FGF14: variants seen among roughly 807,000 people sequenced by gnomAD.
FGF14 encodes the protein fibroblast growth factor homologous factor 4.
In FGF14, 5 loss-of-function variants were observed where a neutral mutation model predicts 25.5. The observed-to-expected ratio is 0.20, with a 90% CI of 0.10 to 0.41. The LOEUF is 0.41. Among genes scored for constraint, FGF14 ranks in the 10% least tolerant of loss-of-function variants. The pLI is 1.00. For synonymous variants in FGF14, 138 were observed against 118.3 expected, an observed-to-expected ratio of 1.17 and a Z score of -1.08; for missense variants, 222 against 320.1, an observed-to-expected ratio of 0.69 and a Z score of 2.34.
At chr13:101,953,709 G>C (rs2036327506) in intron 1 of FGF14, among the ~76,000 whole-genome samples, 1 of 151,492 alleles carries the variant, frequency 6.6e-6, no homozygotes, top group Non-Finnish European at 1.5e-5. Flanking sequence ...TCCTGCCTCA[G>C]CCTCCCAAGT....
chr13:102,394,320 TG>T (rs2139251149), intron 1 of FGF14: 1 of 152,462 alleles, frequency 6.6e-6, no homozygotes, highest in East Asian at 1.9e-4. Flanking sequence ...GCAGTGCACA[TG>T]GGGTGCCCCC....
intron 1 of FGF14, among the ~76,000 whole-genome samples, chr13:102,309,520 T>C (rs899014105): frequency 1.3e-5 from 2 of 152,146 alleles, no homozygotes; most frequent in African/African-American, 4.8e-5. Context: ...ATCAAAGAGA[T>C]GAGAAAGTTG....
intron 3 of FGF14, among the ~76,000 whole-genome samples, chr13:101,819,261 AAAG>A (rs1451753327): frequency 6.6e-6 from 1 of 152,236 alleles, no homozygotes; most frequent in African/African-American, 2.4e-5. Flanking sequence ...GGCAGCAAGA[AAAG>A]AAGGGAAAGG....
At chr13:102,165,712 C>A in intron 1 of FGF14, among the ~76,000 whole-genome samples, 1 of 147,748 alleles carries the variant, frequency 6.8e-6, no homozygotes. Flanking sequence ...ATACCTAATG[C>A]TAAATGACGA....
intron 1 of FGF14, among the ~76,000 whole-genome samples, chr13:102,384,768 G>A (rs1486736739): frequency 6.6e-6 from 1 of 152,066 alleles, no homozygotes; most frequent in Non-Finnish European, 1.5e-5. Context: ...TGATCAACTT[G>A]GAGATCAGCT....
chr13:102,282,092 G>A (rs1174199245), intron 1 of FGF14, among the ~76,000 whole-genome samples: 1 of 147,666 alleles, frequency 6.8e-6, no homozygotes, highest in Non-Finnish European at 1.5e-5. Flanking sequence ...TTGAGATGGA[G>A]TCTTGCTCTT....
In FGF14 at chr13:102,041,583, T is replaced by TAAAA. The variant is rs11430268; in HGVS notation, c.209-166291_209-166288dup. Among the ~76,000 whole-genome samples, 5 of 141,944 alleles carry TAAAA rather than the reference T, an allele frequency of 3.5e-5. 2 individuals are homozygous for TAAAA. The highest frequency in any genetic ancestry group is 5.3e-5 in the African/African-American group (2 of 37,774). 93.1% of individuals were successfully genotyped at this position (141,944 alleles called of 152,430 possible). On this transcript the variant is annotated intron_variant, in intron 1 of 4. Coordinates refer to the FGF14 transcript ENST00000376131. ...GCAAAAATTACTTTGTGTTTCCATG[T>TAAAA]AAAAAAAAAAAAAGAGAGATTTTAT...
chr13:101,979,070 C>T (rs1316744083), intron 1 of FGF14, among the ~76,000 whole-genome samples: 2 of 152,138 alleles, frequency 1.3e-5, no homozygotes, highest in Non-Finnish European at 2.9e-5. Flanking sequence ...GCAAGTCCTG[C>T]AAGGAGGGGT....
At chr13:102,149,295 G>T (rs2046982037) in intron 1 of FGF14, among the ~76,000 whole-genome samples, 2 of 151,976 alleles carry the variant, frequency 1.3e-5, no homozygotes, top group Admixed American at 6.6e-5. Context: ...AGAAACACTA[G>T]GTTCTTTGAC....
chr13:101,718,236 TTGTG>T lies in FGF14; in HGVS notation c.*4591_*4594del, dbSNP rs1294767283. 1 of 152,050 alleles carries T rather than the reference TTGTG, an allele frequency of 6.6e-6. No homozygotes were observed. Among genetic ancestry groups the T allele is most frequent in the East Asian group, 1.9e-4 (1 of 5,182 alleles). The allele number at this position is 152,050 out of a possible 1,614,324, so 9.4% of individuals were successfully genotyped here. ...ACTATGTTTGTGTGTATGTGTGTGTTTGTGTGTGTATGTGTGGTTTTGATGCCAG... is the reference window on the plus strand; with the variant it reads ...ACTATGTTTGTGTGTATGTGTGTGTTTGTGTATGTGTGGTTTTGATGCCAG... On this transcript the variant is annotated 3_prime_UTR_variant, in exon 5 of 5. Transcript: ENST00000376143.
chr13:101,755,274 C>T (rs931562942), intron 3 of FGF14, among the ~76,000 whole-genome samples: 1 of 152,184 alleles, frequency 6.6e-6, no homozygotes, highest in Non-Finnish European at 1.5e-5. Context: ...TACCCACCCT[C>T]TTAATCCTTG....
chr13:101,947,001 C>A (rs1406257060), intron 1 of FGF14, among the ~76,000 whole-genome samples: 1 of 152,044 alleles, frequency 6.6e-6, no homozygotes, highest in African/African-American at 2.4e-5. Context: ...ATAATGCAAT[C>A]CTAAAGATAA....
At chr13:102,029,912 A>C (rs986084406) in intron 1 of FGF14, among the ~76,000 whole-genome samples, 8 of 152,072 alleles carry the variant, frequency 5.3e-5, no homozygotes, top group African/African-American at 1.9e-4. Context: ...GGATGCTAAG[A>C]ATATAGGAGG....
chr13:102,082,798 CAAA>C (rs11350767), intron 1 of FGF14, among the ~76,000 whole-genome samples: 1 of 146,486 alleles, frequency 6.8e-6, no homozygotes, highest in South Asian at 2.1e-4. Context: ...ACTAAAAATA[CAAA>C]AAAAAAATTA....
chr13:102,166,848 C>T (rs1006229087), intron 1 of FGF14, among the ~76,000 whole-genome samples: 1 of 152,204 alleles, frequency 6.6e-6, no homozygotes, highest in South Asian at 2.1e-4. Flanking sequence ...AGAACCTAGC[C>T]GTGTATTTCC....
At position 102,264,055 on chromosome 13, in the gene FGF14, A is replaced by AT. The variant is rs573783697; in HGVS notation, c.208+137415dup. 1.5e-3 allele frequency among the ~76,000 whole-genome samples: 214 copies of AT among 145,996 alleles called. 1 individual carries two copies. The highest frequency in any genetic ancestry group is 5.1e-3 in the African/African-American group (200 of 39,086). ...ATCTGAGATAGTCCTAATAATCTGT[A>AT]TTTTTAAAAGAATTCCTATGTACTT... On this transcript the variant is annotated intron_variant, in intron 1 of 4. Transcript: ENST00000376131.
At chr13:102,166,526 T>G (rs562978742) in intron 1 of FGF14, among the ~76,000 whole-genome samples, 1 of 152,200 alleles carries the variant, frequency 6.6e-6, no homozygotes, top group Admixed American at 6.6e-5. Context: ...AGTGTCCTTT[T>G]TGAGTTCATT....
chr13:102,129,342 A>G (rs529492267), intron 1 of FGF14, among the ~76,000 whole-genome samples: 1 of 152,322 alleles, frequency 6.6e-6, no homozygotes, highest in Non-Finnish European at 1.5e-5. Flanking sequence ...GACATTGACT[A>G]AACTTTGAAG....
chr13:101,774,604 T>C (rs1289950815), intron 3 of FGF14, among the ~76,000 whole-genome samples: 1 of 152,102 alleles, frequency 6.6e-6, no homozygotes, highest in Non-Finnish European at 1.5e-5. Flanking sequence ...ATGTCATCAC[T>C]AGTGGAAATG....
Sources: gnomAD v4.1 joint callset for allele counts (sites outside exome capture counted in the v4.1 genomes callset) on GRCh38, gnomAD v4.1.1 for gene constraint, MANE v1.5 for transcripts, NCBI Gene and HGNC (gene_info 2026-07-23, HGNC 2026-07-21) for gene names.